The following LMNTD1 variants were observed in gnomAD, a reference collection of about 807,000 sequenced individuals.
LMNTD1 encodes the protein lamin tail domain containing 1.
Under a neutral mutation model 50.9 loss-of-function variants are expected in LMNTD1, and 35 were observed. The ratio of observed to expected loss-of-function variants is 0.69; its 90% confidence interval spans 0.53 to 0.91. The LOEUF is 0.91. Ranked by LOEUF, LMNTD1 falls within the 40% of genes least tolerant of loss-of-function variation. LMNTD1 has a pLI of 0.00. For synonymous variants in LMNTD1, 153 were observed against 161.9 expected, an observed-to-expected ratio of 0.94 and a Z score of 0.42; for missense variants, 470 against 475.5, an observed-to-expected ratio of 0.99 and a Z score of 0.11.
chr12:25,560,328 G>C (rs1460162911), intron 1 of LMNTD1, among the ~76,000 whole-genome samples: 3 of 152,144 alleles, frequency 2.0e-5, no homozygotes, highest in Non-Finnish European at 4.4e-5. Context: ...GTTTGTGTCA[G>C]GTTTGTCAAA....
intron 1 of LMNTD1, among the ~76,000 whole-genome samples, chr12:25,570,620 A>C (rs576088440): frequency 6.6e-6 from 1 of 152,280 alleles, no homozygotes; most frequent in South Asian, 2.1e-4. Context: ...GGGAGTGCCA[A>C]GTAGAGCCAG....
intron 1 of LMNTD1, among the ~76,000 whole-genome samples, chr12:25,616,030 A>G (rs1300259744): frequency 1.3e-5 from 2 of 151,980 alleles, no homozygotes; most frequent in African/African-American, 4.8e-5. Context: ...TCCTGTCCTC[A>G]TGAAGTCTAC....
At chr12:25,533,162 G>A (rs527936872) in intron 4 of LMNTD1, among the ~76,000 whole-genome samples, 1 of 152,226 alleles carries the variant, frequency 6.6e-6, no homozygotes, top group African/African-American at 2.4e-5. Flanking sequence ...CCTTCTTTTT[G>A]ATATAAGATC....
intron 4 of LMNTD1, among the ~76,000 whole-genome samples, chr12:25,527,681 T>TATATAC (rs1463259109): frequency 5.3e-4 from 17 of 32,332 alleles, no homozygotes; most frequent in African/African-American, 1.3e-3. Context: ...TATATATATA[T>TATATAC]ACACACACAC....
At chr12:25,572,780 C>A (rs937017522) in intron 1 of LMNTD1, among the ~76,000 whole-genome samples, 1 of 152,046 alleles carries the variant, frequency 6.6e-6, no homozygotes, top group African/African-American at 2.4e-5. Flanking sequence ...TCCTCCCTCT[C>A]CCAATCCATC....
intron 1 of LMNTD1, among the ~76,000 whole-genome samples, chr12:25,621,313 C>A (rs1946469088): frequency 1.3e-5 from 2 of 152,222 alleles, no homozygotes; most frequent in East Asian, 3.9e-4. Context: ...CAACCATGAA[C>A]CCCTGGGATC....
chr12:25,619,246 C>CTATATATATA (rs1401057071), intron 1 of LMNTD1, among the ~76,000 whole-genome samples: 1 of 76,212 alleles, frequency 1.3e-5, no homozygotes, highest in Non-Finnish European at 2.6e-5. Context: ...CTCTCTCTCT[C>CTATATATATA]TCTCTCTATA....
intron 4 of LMNTD1, among the ~76,000 whole-genome samples, chr12:25,544,911 G>A (rs895831110): frequency 4.0e-5 from 6 of 151,626 alleles, no homozygotes; most frequent in Admixed American, 1.3e-4. Context: ...CTCAATTTAC[G>A]TATTTTTATA....
At chr12:25,624,755 C>G (rs975229894) in intron 1 of LMNTD1, among the ~76,000 whole-genome samples, 1 of 152,170 alleles carries the variant, frequency 6.6e-6, no homozygotes, top group Non-Finnish European at 1.5e-5. Flanking sequence ...GTTGTGTACT[C>G]ATTAGCTTAG....
intron 9 of LMNTD1, among the ~76,000 whole-genome samples, chr12:25,490,652 T>G (rs971047107): frequency 6.6e-6 from 1 of 152,248 alleles, no homozygotes; most frequent in Non-Finnish European, 1.5e-5. Context: ...GTTATTTTGC[T>G]GCTGCTTCTG....
chr12:25,535,427 A>C (rs1481176055), intron 4 of LMNTD1, among the ~76,000 whole-genome samples: 2 of 152,110 alleles, frequency 1.3e-5, no homozygotes, highest in East Asian at 3.8e-4. Context: ...AATTTTCCCA[A>C]ATTTTTAAAA....
At chr12:25,580,138 A>G (rs916624791) in intron 1 of LMNTD1, among the ~76,000 whole-genome samples, 2 of 152,190 alleles carry the variant, frequency 1.3e-5, no homozygotes, top group Non-Finnish European at 2.9e-5. Context: ...TCCTCTGCCT[A>G]GAATGCCATG....
intron 6 of LMNTD1, among the ~76,000 whole-genome samples, chr12:25,523,631 T>G (rs981473327): frequency 6.6e-6 from 1 of 152,128 alleles, no homozygotes; most frequent in African/African-American, 2.4e-5. Context: ...GATAGTAATA[T>G]CCAGTGCTAT....
At chr12:25,627,717 CAT>C (rs1256721727) in intron 1 of LMNTD1, among the ~76,000 whole-genome samples, 2 of 152,172 alleles carry the variant, frequency 1.3e-5, no homozygotes, top group African/African-American at 2.4e-5. Context: ...TTCCACAACA[CAT>C]GTGGTAATAA....
chr12:25,513,031 G>A (rs1186540909), intron 8 of LMNTD1, among the ~76,000 whole-genome samples: 1 of 152,164 alleles, frequency 6.6e-6, no homozygotes, highest in East Asian at 1.9e-4. Context: ...AACTTAGCTA[G>A]AGGCCCTGTG....
intron 1 of LMNTD1, chr12:25,630,660 C>G (rs1312154056): frequency 6.6e-6 from 1 of 152,242 alleles, no homozygotes; most frequent in Non-Finnish European, 1.5e-5. Context: ...AGAAAGGCCC[C>G]TTGAGCTTGC....
upstream of LMNTD1, chr12:25,557,206 TAAC>T (rs1301922250): frequency 1.3e-5 from 2 of 152,222 alleles, no homozygotes; most frequent in Non-Finnish European, 2.9e-5. Flanking sequence ...CCACGTGTAA[TAAC>T]AGCCTCAGAC....
chr12:25,581,180 G>C (rs1945267361), intron 1 of LMNTD1, among the ~76,000 whole-genome samples: 2 of 148,956 alleles, frequency 1.3e-5, no homozygotes. Flanking sequence ...AGTGCTGACT[G>C]TGCTGCTGAG....
chr12:25,611,043 G>A (rs1946229972), intron 1 of LMNTD1, among the ~76,000 whole-genome samples: 1 of 152,170 alleles, frequency 6.6e-6, no homozygotes, highest in East Asian at 1.9e-4. Context: ...AGTCAAAGAA[G>A]CAGAGAAGGA....
Sources: gnomAD v4.1 joint callset for allele counts (sites outside exome capture counted in the v4.1 genomes callset) on GRCh38, gnomAD v4.1.1 for gene constraint, MANE v1.5 for transcripts, NCBI Gene and HGNC (gene_info 2026-07-23, HGNC 2026-07-21) for gene names.